USP24: variants seen among roughly 807,000 people sequenced by gnomAD.
USP24 encodes the protein ubiquitin carboxyl-terminal hydrolase 24.
Under a neutral mutation model 361.6 loss-of-function variants are expected in USP24, and 97 were observed. That is an observed-to-expected ratio of 0.27 (90% CI 0.23 to 0.32). The LOEUF (loss-of-function observed/expected upper bound fraction) is 0.32, where lower values mean the gene tolerates loss of function less well. USP24 is among the 10% of genes least tolerant of loss of function. USP24 has a pLI of 1.00. For missense variants in USP24, 2,353 were observed against 3,165.6 expected (o/e 0.74, Z 6.16); for synonymous variants, 1,098 against 1,124.6 (o/e 0.98, Z 0.47).
chr1:55,184,929 A>G (rs538826759), intron 1 of USP24, among the ~76,000 whole-genome samples: 4 of 152,266 alleles, frequency 2.6e-5, no homozygotes, highest in East Asian at 3.9e-4. Flanking sequence ...AGCAGTGATT[A>G]AAGGGAAATT....
chr1:55,186,978 C>T (rs572718924), intron 1 of USP24, among the ~76,000 whole-genome samples: 2 of 152,168 alleles, frequency 1.3e-5, no homozygotes, highest in South Asian at 4.2e-4. Context: ...ACACACCAAA[C>T]CAATATCCCT....
At chr1:55,155,769 G>A (rs1273621581) in intron 12 of USP24, among the ~76,000 whole-genome samples, 6 of 152,154 alleles carry the variant, frequency 3.9e-5, no homozygotes, top group Admixed American at 6.5e-5. Context: ...GATGAAGTAC[G>A]TCTGGCTTAG....
intron 1 of USP24, among the ~76,000 whole-genome samples, chr1:55,186,427 A>C (rs1644133444): frequency 6.6e-6 from 1 of 152,218 alleles, no homozygotes; most frequent in Admixed American, 6.5e-5. Context: ...GGATACACAC[A>C]TACCAAAAAA....
chr1:55,079,503 G>A, intron 60 of USP24, 35 bp downstream of exon 60: 1 of 1,553,768 alleles, frequency 6.4e-7, no homozygotes, highest in Non-Finnish European at 8.6e-7. Context: ...TCAAACAGGA[G>A]GGAAAAAAAT....
chr1:55,205,467 T>G (rs994761210), intron 1 of USP24, among the ~76,000 whole-genome samples: 1 of 152,196 alleles, frequency 6.6e-6, no homozygotes, highest in African/African-American at 2.4e-5. Context: ...GAGCCAGTTT[T>G]CTTAAAGCTA....
chr1:55,212,493 A>G (rs1195220253), intron 1 of USP24, among the ~76,000 whole-genome samples: 1 of 152,226 alleles, frequency 6.6e-6, no homozygotes, highest in Admixed American at 6.5e-5. Context: ...TAAACTGTAT[A>G]ACGCACCTAA....
In USP24 at chr1:55,139,006, T is replaced by C. The variant is rs756384106; in HGVS notation, c.2755A>G (p.Thr919Ala). The change falls in exon 25 of 68, where the codon ACT (threonine) becomes GCT (alanine). Residue 919 changes from threonine (T) to alanine (A), a missense_variant. This residue lies in a region of USP24 where 949 missense variants were observed against 1,280.5 expected (regional missense o/e 0.74). Transcript: ENST00000294383. ...ATSVQSPYRS[T>A]KLVIIERLLL... ...AATCTCTCAATTATTACAAGTTTAG[T>C]AGATCTATAGATTAAAAAAAAAAAG... The C allele has an allele frequency of 1.1e-5, 17 of 1,605,640 alleles. No homozygotes were observed. Among genetic ancestry groups the C allele is most frequent in the Non-Finnish European group, 1.4e-5 (16 of 1,175,748 alleles).
intron 38 of USP24, among the ~76,000 whole-genome samples, chr1:55,114,484 T>C (rs1646047289): frequency 6.6e-6 from 1 of 152,148 alleles, no homozygotes; most frequent in African/African-American, 2.4e-5. Context: ...GCTACCTGAC[T>C]TCAAACTATA....
intron 36 of USP24, among the ~76,000 whole-genome samples, chr1:55,122,489 TG>T (rs1646310703): frequency 6.6e-6 from 1 of 151,858 alleles, no homozygotes; most frequent in Non-Finnish European, 1.5e-5. Flanking sequence ...CAAAGAGGAG[TG>T]ATGTATTCTG....
At chr1:55,197,279 T>C (rs1644445514) in intron 1 of USP24, among the ~76,000 whole-genome samples, 1 of 152,206 alleles carries the variant, frequency 6.6e-6, no homozygotes, top group African/African-American at 2.4e-5. Context: ...TCTCCTGTGC[T>C]GCTTTTTTTC....
intron 16 of USP24, chr1:55,151,868 G>A: frequency 1.0e-6 from 1 of 980,452 alleles, no homozygotes; most frequent in Non-Finnish European, 1.2e-6. Context: ...AATAGAGGTA[G>A]CTGAGGGTGG....
chr1:55,198,051 A>G (rs1644465200), intron 1 of USP24, among the ~76,000 whole-genome samples: 1 of 152,246 alleles, frequency 6.6e-6, no homozygotes, highest in Admixed American at 6.5e-5. Flanking sequence ...ATGGTTATCT[A>G]AACTGCTCTT....
intron 64 of USP24, 131 bp downstream of exon 64, chr1:55,073,697 C>G: frequency 1.2e-6 from 1 of 820,896 alleles, no homozygotes; most frequent in Non-Finnish European, 2.0e-6. Context: ...GTTTCTGTAC[C>G]TTCCAAGCAA....
In USP24 at chr1:55,208,666, G is replaced by A. The variant is rs183057267; in HGVS notation, c.324+6124C>T. Among the ~76,000 whole-genome samples the A allele has an allele frequency of 3.5e-3, 522 of 150,916 alleles. 7 individuals carry two copies. The highest frequency in any genetic ancestry group is 3.5e-3 in the Non-Finnish European group (238 of 67,852). ...CAAAACAAAAAACAGCGCTGGGCACGGTGGTTCACGGCTGTAATCCCAGCA... is the reference window on the plus strand; with the variant it reads ...CAAAACAAAAAACAGCGCTGGGCACAGTGGTTCACGGCTGTAATCCCAGCA... On this transcript the variant is annotated intron_variant, in intron 1 of 67. Coordinates refer to ENST00000294383, the MANE Select transcript of USP24 (RefSeq NM_015306.3).
At chr1:55,207,279 G>C (rs1644734535) in intron 1 of USP24, among the ~76,000 whole-genome samples, 1 of 139,412 alleles carries the variant, frequency 7.2e-6, no homozygotes. Flanking sequence ...AAATGGAAAG[G>C]GGAAAAAAAA....
chr1:55,083,496 C>A, intron 57 of USP24, 132 bp from the exon 58 acceptor site: 1 of 916,174 alleles, frequency 1.1e-6, no homozygotes, highest in East Asian at 2.7e-5. Context: ...ATAGAAAGTA[C>A]TTGTTAAAAT....
At chr1:55,108,749 C>T (rs77610411) in intron 39 of USP24, among the ~76,000 whole-genome samples, 341 of 152,322 alleles carry the variant, frequency 2.2e-3, no homozygotes, top group Non-Finnish European at 3.2e-3. Flanking sequence ...GTGTAGCCAA[C>T]TCATGATTCC....
intron 1 of USP24, among the ~76,000 whole-genome samples, chr1:55,213,955 T>C (rs1363785167): frequency 1.1e-4 from 16 of 151,650 alleles, no homozygotes. Flanking sequence ...CTTTCCCCGG[T>C]CTAATTTTCT....
At position 55,099,789 on chromosome 1, in the gene USP24, C is replaced by T. The variant is rs1489157129; in HGVS notation, c.5352G>A (p.Gln1784=). ...TTACTACCTTGAGGTATTCATCCAT[C>T]TGATCAATGAGACTAGTAAAGAATT... is the stretch of plus-strand genomic sequence containing the variant. ...AYEFFTSLID[Q]MDEYLKKMGR... The change falls in exon 45 of 68, where the codon CAG becomes CAA. Residue 1784 remains glutamine, a synonymous_variant. Transcript: ENST00000294383. 1.9e-6 allele frequency: 3 copies of T among 1,557,098 alleles called. No homozygotes were observed. The South Asian group carries it at 3.6e-5, about 18-fold the overall frequency.
Sources: gnomAD v4.1 joint callset for allele counts (sites outside exome capture counted in the v4.1 genomes callset) on GRCh38, gnomAD v4.1.1 for gene constraint, gnomAD v4.1.1 regional missense constraint, MANE v1.5 for transcripts, NCBI Gene and HGNC (gene_info 2026-07-23, HGNC 2026-07-21) for gene names.